Variants in TFEC observed in about 807,000 individuals in gnomAD.
TFEC encodes transcription factor EC, also known as class E basic helix-loop-helix protein 34.
TFEC carries 31 observed loss-of-function variants against 41.6 expected under a neutral mutation model. The ratio of observed to expected loss-of-function variants is 0.74; its 90% CI spans 0.56 to 1.01. The LOEUF is 1.01. TFEC is among the 50% of genes least tolerant of loss of function. The pLI, the probability that TFEC is intolerant of heterozygous loss-of-function variation, is 0.00. For synonymous variants in TFEC, 143 were observed against 140.6 expected, an observed-to-expected ratio of 1.02 and a Z score of -0.12; for missense variants, 402 against 404.1, an observed-to-expected ratio of 0.99 and a Z score of 0.04.
chr7:115,996,559 G>A (rs1314367677), intron 1 of TFEC, among the ~76,000 whole-genome samples: 2 of 151,526 alleles, frequency 1.3e-5, no homozygotes, highest in Non-Finnish European at 2.9e-5. Context: ...AGAGGGAAGA[G>A]TAAAGAAGAC....
Position 116,039,421 on chromosome 7 carries a change from CTGTG to C in TFEC, c.199-54912_199-54909del, listed in dbSNP as rs140778741. 4.6e-3 allele frequency among the ~76,000 whole-genome samples: 664 copies of C among 144,292 alleles called. 5 individuals are homozygous for C. The highest frequency in any genetic ancestry group is 0.013 in the African/African-American group (508 of 40,010). 94.7% of individuals were successfully genotyped at this position (144,292 alleles called of 152,430 possible). Reference sequence around the variant, plus strand: ...ATAAAAACTAAAACAAAAGAAAATTCTGTGTGTGTGTGTGTGTGTGTGTGTGTGT... The same window carrying C: ...ATAAAAACTAAAACAAAAGAAAATTCTGTGTGTGTGTGTGTGTGTGTGTGT... On this transcript the variant is annotated intron_variant, in intron 3 of 8. Coordinates refer to the TFEC transcript ENST00000484212.
intron 3 of TFEC, among the ~76,000 whole-genome samples, chr7:116,054,281 A>C (rs867902521): frequency 3.3e-5 from 5 of 152,146 alleles, no homozygotes; most frequent in African/African-American, 1.2e-4. Context: ...TATACTAGAA[A>C]ATTAGGAAGG....
intron 3 of TFEC, among the ~76,000 whole-genome samples, chr7:116,068,951 T>C (rs890767349): frequency 5.3e-5 from 8 of 151,692 alleles, no homozygotes; most frequent in Non-Finnish European, 1.2e-4. Flanking sequence ...GATGAAATAA[T>C]AGAAATGAGA....
Position 115,939,715 on chromosome 7 carries a change from G to A in TFEC, c.*836C>T, listed in dbSNP as rs888814296. 2 of 151,998 alleles carry A rather than the reference G, an allele frequency of 1.3e-5. No individual in the cohort carries two copies. The highest frequency in any genetic ancestry group is 2.4e-5 in the African/African-American group (1 of 41,426). 9.4% of individuals were successfully genotyped at this position (151,998 alleles called of 1,614,324 possible). ...AGAGAATTTGGAATGTGATTCTGAT[G>A]CAGTCAGAAGCATGAAGAAAACAAA... is the stretch of plus-strand genomic sequence containing the variant. On this transcript the variant is annotated 3_prime_UTR_variant, in exon 8 of 8. Coordinates refer to ENST00000265440, the MANE Select transcript of TFEC (RefSeq NM_012252.4).
chr7:116,091,176 G>T (rs955909845), intron 3 of TFEC, among the ~76,000 whole-genome samples: 4 of 152,106 alleles, frequency 2.6e-5, no homozygotes, highest in Non-Finnish European at 5.9e-5. Flanking sequence ...GAATACACAA[G>T]AAATACTTTT....
chr7:116,097,880 C>T (rs1477658268), intron 3 of TFEC, among the ~76,000 whole-genome samples: 2 of 152,040 alleles, frequency 1.3e-5, no homozygotes, highest in African/African-American at 2.4e-5. Flanking sequence ...CAAAATGAAA[C>T]TCTGAAAAAT....
chr7:116,028,374 G>GA (rs916539460), intron 1 of TFEC, among the ~76,000 whole-genome samples: 3 of 152,078 alleles, frequency 2.0e-5, no homozygotes. Flanking sequence ...ATATAATAAG[G>GA]AATATTTGCG....
At chr7:116,115,417 G>A (rs563032418) in intron 1 of TFEC, among the ~76,000 whole-genome samples, 1 of 151,876 alleles carries the variant, frequency 6.6e-6, no homozygotes, top group Non-Finnish European at 1.5e-5. Context: ...AGGCTTTATG[G>A]GATAATCCAC....
chr7:115,965,623 A>G (rs1339107966), intron 3 of TFEC, among the ~76,000 whole-genome samples: 1 of 151,724 alleles, frequency 6.6e-6, no homozygotes, highest in Non-Finnish European at 1.5e-5. Context: ...CATTGGCAAC[A>G]TATTTTTGAG....
chr7:116,041,036 C>T (rs1395467503), intron 3 of TFEC, among the ~76,000 whole-genome samples: 1 of 152,016 alleles, frequency 6.6e-6, no homozygotes, highest in Non-Finnish European at 1.5e-5. Context: ...TCATGCATTG[C>T]AAATATCTAT....
upstream of TFEC, among the ~76,000 whole-genome samples, chr7:116,031,804 T>C (rs938046019): frequency 6.6e-6 from 1 of 152,140 alleles, no homozygotes; most frequent in African/African-American, 2.4e-5. Context: ...TCACTATCAA[T>C]AGCACATTTT....
At chr7:116,006,386 G>C (rs918951284) in intron 1 of TFEC, among the ~76,000 whole-genome samples, 7 of 152,192 alleles carry the variant, frequency 4.6e-5, no homozygotes, top group African/African-American at 1.7e-4. Flanking sequence ...TCTTGCATCT[G>C]TGTGACCTGG....
intron 1 of TFEC, among the ~76,000 whole-genome samples, chr7:116,151,636 G>T (rs191454343): frequency 6.6e-6 from 1 of 151,974 alleles, no homozygotes; most frequent in African/African-American, 2.4e-5. Flanking sequence ...TTTCCAAAAT[G>T]AGAACTTGTT....
intron 3 of TFEC, among the ~76,000 whole-genome samples, chr7:116,074,976 T>C (rs531740319): frequency 1.3e-5 from 2 of 152,270 alleles, no homozygotes; most frequent in Admixed American, 6.5e-5. Context: ...TGACATCCTA[T>C]GGCTAAATCT....
chr7:115,948,172 C>A (rs1791709883), intron 6 of TFEC, among the ~76,000 whole-genome samples: 1 of 151,866 alleles, frequency 6.6e-6, no homozygotes, highest in South Asian at 2.1e-4. Context: ...TCTGAATAGA[C>A]CAATAACAGG....
At chr7:116,117,867 G>A (rs969896273) in intron 1 of TFEC, among the ~76,000 whole-genome samples, 1 of 151,860 alleles carries the variant, frequency 6.6e-6, no homozygotes, top group Non-Finnish European at 1.5e-5. Flanking sequence ...GCAAGATTCT[G>A]TATAGGCAAG....
chr7:115,970,463 G>C (rs1376720488), intron 3 of TFEC, among the ~76,000 whole-genome samples: 1 of 151,882 alleles, frequency 6.6e-6, no homozygotes, highest in Non-Finnish European at 1.5e-5. Flanking sequence ...GAGTTTTTTT[G>C]TGTCTGTATG....
intron 1 of TFEC, among the ~76,000 whole-genome samples, chr7:116,141,630 G>A (rs1798543180): frequency 6.6e-6 from 1 of 152,154 alleles, no homozygotes; most frequent in South Asian, 2.1e-4. Flanking sequence ...AAGCACAGAG[G>A]CAGTCAAAGT....
intron 6 of TFEC, among the ~76,000 whole-genome samples, chr7:115,949,898 T>A (rs1347705395): frequency 6.6e-6 from 1 of 151,980 alleles, no homozygotes; most frequent in Non-Finnish European, 1.5e-5. Context: ...GAAACTACCA[T>A]CAGAATGAAC....
Sources: gnomAD v4.1 joint callset for allele counts (sites outside exome capture counted in the v4.1 genomes callset) on GRCh38, gnomAD v4.1.1 for gene constraint, MANE v1.5 for transcripts, NCBI Gene and HGNC (gene_info 2026-07-23, HGNC 2026-07-21) for gene names.